GABRB2: variants seen among roughly 807,000 people sequenced by gnomAD.
GABRB2 encodes gamma-aminobutyric acid receptor subunit beta-2.
In GABRB2, 16 loss-of-function variants were observed where a neutral mutation model predicts 54.7. That is an observed-to-expected ratio of 0.29 (90% CI 0.20 to 0.44). The LOEUF is 0.44. Ranked by LOEUF, GABRB2 falls within the 20% of genes least tolerant of loss-of-function variation. The probability of loss-of-function intolerance (pLI) is 1.00; values close to 1 mark genes in which losing one functional copy is unlikely to be tolerated. For missense variants in GABRB2, 355 were observed against 644.0 expected (o/e 0.55, Z 4.86); for synonymous variants, 244 against 233.8 (o/e 1.04, Z -0.40).
At chr5:161,483,814 TTCCCCTTTAATGAAAAAAGTCTTTC>T (rs1430334455) in intron 3 of GABRB2, among the ~76,000 whole-genome samples, 7 of 151,976 alleles carry the variant, frequency 4.6e-5, no homozygotes, top group African/African-American at 1.4e-4. Flanking sequence ...TTTTCCAACC[TTCCCCTTTAATGAAAAAAGTCTTTC>T]TCCCAAATCC....
In GABRB2 at chr5:161,454,170, A is replaced by G. The variant is rs1307774002; in HGVS notation, c.458+5454T>C. 3.6e-4 allele frequency among the ~76,000 whole-genome samples: 55 copies of G among 152,206 alleles called. 1 individual carries two copies. Among genetic ancestry groups the G allele is most frequent in the Non-Finnish European group, 1.5e-5 (1 of 68,020 alleles). ...AGAGGCTTGGTTTAGGAAGAACCAT[A>G]CAACACATTATTAAATGAAAATTAT... is the stretch of plus-strand genomic sequence containing the variant. On this transcript the variant is annotated intron_variant, in intron 4 of 9. Transcript: ENST00000393959.
At chr5:161,380,134 T>C (rs1263674426) in intron 5 of GABRB2, among the ~76,000 whole-genome samples, 1 of 152,156 alleles carries the variant, frequency 6.6e-6, no homozygotes, top group Non-Finnish European at 1.5e-5. Flanking sequence ...GAAGTCTACA[T>C]TTTAAGCAAA....
At chr5:161,521,137 A>T (rs1057116984) in intron 3 of GABRB2, among the ~76,000 whole-genome samples, 11 of 152,020 alleles carry the variant, frequency 7.2e-5, no homozygotes, top group African/African-American at 2.7e-4. Context: ...CCAATGCATT[A>T]AAATGAAATG....
At chr5:161,454,585 T>C (rs990635590) in intron 4 of GABRB2, among the ~76,000 whole-genome samples, 3 of 152,218 alleles carry the variant, frequency 2.0e-5, no homozygotes, top group African/African-American at 7.2e-5. Context: ...TTATTAAATA[T>C]TAAGTGGTAC....
intron 3 of GABRB2, among the ~76,000 whole-genome samples, chr5:161,499,354 T>C (rs1395427218): frequency 6.6e-6 from 1 of 152,128 alleles, no homozygotes; most frequent in Non-Finnish European, 1.5e-5. Flanking sequence ...GGAGTCAAAA[T>C]GACTTTAAGC....
chr5:161,426,828 G>A (rs1164181354), intron 4 of GABRB2, among the ~76,000 whole-genome samples: 1 of 151,968 alleles, frequency 6.6e-6, no homozygotes. Context: ...GGATTAAAGC[G>A]ATCACACTTG....
At chr5:161,491,319 G>T (rs1273162113) in intron 3 of GABRB2, among the ~76,000 whole-genome samples, 1 of 151,536 alleles carries the variant, frequency 6.6e-6, no homozygotes, top group Non-Finnish European at 1.5e-5. Context: ...TTAAGTCAAT[G>T]GCTCATGACT....
chr5:161,317,755 C>T (rs1758086102), intron 9 of GABRB2, among the ~76,000 whole-genome samples: 1 of 151,758 alleles, frequency 6.6e-6, no homozygotes, highest in East Asian at 1.9e-4. Context: ...TTTTATTATA[C>T]CTAGAACTCT....
chr5:161,431,304 T>A (rs1757165297), intron 4 of GABRB2, among the ~76,000 whole-genome samples: 1 of 152,122 alleles, frequency 6.6e-6, no homozygotes, highest in African/African-American at 2.4e-5. Context: ...ATTATTACAA[T>A]CTATTTTAAT....
At chr5:161,491,711 C>T (rs192730500) in intron 3 of GABRB2, among the ~76,000 whole-genome samples, 31 of 151,692 alleles carry the variant, frequency 2.0e-4, no homozygotes, top group African/African-American at 6.3e-4. Context: ...AAGAGAGGTA[C>T]GCCTAGAAAA....
intron 5 of GABRB2, among the ~76,000 whole-genome samples, chr5:161,400,050 A>G (rs1201735611): frequency 6.6e-6 from 1 of 152,216 alleles, no homozygotes; most frequent in Non-Finnish European, 1.5e-5. Context: ...ACTAGCACGC[A>G]TTATTGAAAA....
chr5:161,309,221 G>A (rs1020766511), intron 9 of GABRB2, among the ~76,000 whole-genome samples: 3 of 152,066 alleles, frequency 2.0e-5, no homozygotes, highest in Admixed American at 2.0e-4. Flanking sequence ...CTTTTCAAAA[G>A]AAGACACACA....
chr5:161,484,844 G>A (rs1275069079), intron 3 of GABRB2, among the ~76,000 whole-genome samples: 1 of 151,840 alleles, frequency 6.6e-6, no homozygotes, highest in Non-Finnish European at 1.5e-5. Context: ...CTTCCCAAAA[G>A]GCAGTTTTGG....
In GABRB2 at chr5:161,349,228, G is replaced by GA. The variant is rs200217036; in HGVS notation, c.542-12460dup. On this transcript the variant is annotated intron_variant, in intron 5 of 9. Coordinates refer to ENST00000393959, the MANE Select transcript of GABRB2 (RefSeq NM_001371727.1). The stretch of plus-strand genomic sequence containing the variant: ...CTACCAATTATATTCCTGGCTTCAG[G>GA]AAAAAAAATTCCTTAAATAAACTTA... Among the ~76,000 whole-genome samples, 351 of 150,386 alleles carry GA rather than the reference G, an allele frequency of 2.3e-3. 3 individuals are homozygous for GA. Among genetic ancestry groups the GA allele is most frequent in the African/African-American group, 7.2e-3 (293 of 40,960 alleles).
chr5:161,465,067 G>T (rs988442709), intron 3 of GABRB2, among the ~76,000 whole-genome samples: 2 of 151,936 alleles, frequency 1.3e-5, no homozygotes, highest in Admixed American at 1.3e-4. Flanking sequence ...TCTTTCAATT[G>T]CTTTCAAAAA....
intron 3 of GABRB2, among the ~76,000 whole-genome samples, chr5:161,501,669 T>G (rs1759449941): frequency 1.3e-5 from 2 of 152,088 alleles, no homozygotes; most frequent in African/African-American, 4.8e-5. Context: ...CCCGATTATC[T>G]TTTAGGTGTA....
intron 5 of GABRB2, among the ~76,000 whole-genome samples, chr5:161,369,829 A>C (rs1301024725): frequency 6.6e-6 from 1 of 152,226 alleles, no homozygotes; most frequent in East Asian, 1.9e-4. Context: ...TTCAGTGTTT[A>C]ATATGAAATG....
At chr5:161,453,894 C>T (rs1757866674) in intron 4 of GABRB2, among the ~76,000 whole-genome samples, 1 of 151,766 alleles carries the variant, frequency 6.6e-6, no homozygotes, top group Middle Eastern at 3.2e-3. Flanking sequence ...AATAATTAGC[C>T]AGGTGTGGTG....
At chr5:161,368,177 A>C (rs1755027223) in intron 5 of GABRB2, among the ~76,000 whole-genome samples, 1 of 151,752 alleles carries the variant, frequency 6.6e-6, no homozygotes, top group Admixed American at 6.6e-5. Flanking sequence ...ATATTTTGAA[A>C]AACTAAGTAT....
Sources: gnomAD v4.1 joint callset for allele counts (sites outside exome capture counted in the v4.1 genomes callset) on GRCh38, gnomAD v4.1.1 for gene constraint, MANE v1.5 for transcripts, NCBI Gene and HGNC (gene_info 2026-07-23, HGNC 2026-07-21) for gene names.